Variants in CREB3L2 observed in about 807,000 individuals in gnomAD.
The protein encoded by CREB3L2 is cAMP responsive element binding protein 3 like 2, also known as cyclic AMP-responsive element-binding protein 3-like protein 2.
In CREB3L2, 23 loss-of-function variants were observed where a neutral mutation model predicts 57.2. That is an observed-to-expected ratio of 0.40 (90% CI 0.29 to 0.57). CREB3L2 has a LOEUF of 0.57. Among genes scored for constraint, CREB3L2 ranks in the 20% least tolerant of loss-of-function variants. The pLI is 0.42. For missense variants in CREB3L2, 628 were observed against 634.7 expected, an observed-to-expected ratio of 0.99 and a Z score of 0.11; for synonymous variants, 268 against 265.1, an observed-to-expected ratio of 1.01 and a Z score of -0.11.
chr7:137,952,997 C>T (rs1026317354), intron 1 of CREB3L2, among the ~76,000 whole-genome samples: 2 of 151,940 alleles, frequency 1.3e-5, no homozygotes, highest in African/African-American at 2.4e-5. Context: ...TTGTATTTTT[C>T]GTAGAGACAG....
chr7:137,905,968 G>A (rs976430236), intron 5 of CREB3L2, 120 bp from the exon 6 acceptor site: 32 of 1,003,368 alleles, frequency 3.2e-5, no homozygotes, highest in Admixed American at 5.2e-5. Context: ...CTGAGACAAG[G>A]ATGCCCCATC....
chr7:137,920,295 G>A (rs1233492009), intron 2 of CREB3L2, among the ~76,000 whole-genome samples: 1 of 152,180 alleles, frequency 6.6e-6, no homozygotes, highest in Non-Finnish European at 1.5e-5. Context: ...TGGAACTAAT[G>A]TTGCTGTAGT....
chr7:137,984,829 C>A (rs530100365), intron 1 of CREB3L2, among the ~76,000 whole-genome samples: 1 of 152,148 alleles, frequency 6.6e-6, no homozygotes, highest in Non-Finnish European at 1.5e-5. Flanking sequence ...AAGGAGTCTG[C>A]GTTTCATGAA....
intron 8 of CREB3L2, among the ~76,000 whole-genome samples, chr7:137,896,177 G>A (rs1032566394): frequency 3.9e-5 from 6 of 152,192 alleles, no homozygotes; most frequent in Non-Finnish European, 5.9e-5. Context: ...AGACGCCCTC[G>A]GCAGAAAACA....
At chr7:137,966,128 A>G (rs1480084256) in intron 1 of CREB3L2, among the ~76,000 whole-genome samples, 1 of 152,208 alleles carries the variant, frequency 6.6e-6, no homozygotes, top group Non-Finnish European at 1.5e-5. Flanking sequence ...GGGCATCAAG[A>G]CAGAGGAGCC....
intron 1 of CREB3L2, among the ~76,000 whole-genome samples, chr7:137,977,700 CACTTGAAGT>C (rs1801633027): frequency 6.6e-6 from 1 of 152,082 alleles, no homozygotes; most frequent in Non-Finnish European, 1.5e-5. Flanking sequence ...GTGGGCGGAT[CACTTGAAGT>C]CAGGAGTTCG....
chr7:138,000,326 C>T (rs1802053565), intron 1 of CREB3L2, among the ~76,000 whole-genome samples: 1 of 152,170 alleles, frequency 6.6e-6, no homozygotes, highest in Non-Finnish European at 1.5e-5. Context: ...CATCTGGTAC[C>T]CCAACCTCCG....
At chr7:137,953,580 G>A in intron 1 of CREB3L2, 1 of 1,149,154 alleles carries the variant, frequency 8.7e-7, no homozygotes, top group South Asian at 1.3e-5. Context: ...GTCTCAGAAT[G>A]TGACTCTAGA....
intron 5 of CREB3L2, among the ~76,000 whole-genome samples, 165 bp downstream of exon 5, chr7:137,908,087 A>G (rs56180308): frequency 0.017 from 2,604 of 152,304 alleles, 22 homozygotes; most frequent in African/African-American, 0.023. Context: ...CAGTTCCTAG[A>G]AAGTGTTCTT....
intron 8 of CREB3L2, among the ~76,000 whole-genome samples, chr7:137,891,531 T>C (rs904795832): frequency 2.0e-5 from 3 of 151,934 alleles, no homozygotes; most frequent in Non-Finnish European, 4.4e-5. Context: ...TTCCCAATTA[T>C]TTGCTGTGTT....
intron 1 of CREB3L2, among the ~76,000 whole-genome samples, chr7:137,989,371 A>G (rs887786442): frequency 2.8e-5 from 4 of 145,236 alleles, no homozygotes; most frequent in Non-Finnish European, 6.0e-5. Flanking sequence ...TGTACTGACC[A>G]CTCTGTAGCG....
At chr7:137,935,942 A>G (rs1473618941) in intron 1 of CREB3L2, 1 of 972,118 alleles carries the variant, frequency 1.0e-6, no homozygotes, top group Admixed American at 6.2e-5. Context: ...GCAAGGAAGG[A>G]GTGGTTTATG....
chr7:137,896,459 G>A (rs907960094), intron 8 of CREB3L2, among the ~76,000 whole-genome samples: 2 of 152,044 alleles, frequency 1.3e-5, no homozygotes, highest in Non-Finnish European at 2.9e-5. Context: ...ACGCCACCAC[G>A]CCCAGCTAAT....
At chr7:137,885,737 C>T (rs547590115) in intron 8 of CREB3L2, among the ~76,000 whole-genome samples, 1 of 152,302 alleles carries the variant, frequency 6.6e-6, no homozygotes, top group East Asian at 1.9e-4. Flanking sequence ...TCTTGCACTG[C>T]CCTGAGTTAG....
intron 8 of CREB3L2, among the ~76,000 whole-genome samples, chr7:137,886,686 C>T (rs1799426354): frequency 6.6e-6 from 1 of 151,310 alleles, no homozygotes; most frequent in Non-Finnish European, 1.5e-5. Flanking sequence ...GAAACAGATT[C>T]TAGCCTTTCT....
In CREB3L2 at chr7:137,993,952, A is replaced by T. The variant is rs936587805; in HGVS notation, c.102+7652T>A. Among the ~76,000 whole-genome samples, 3 of 152,238 alleles carry T rather than the reference A, an allele frequency of 2.0e-5. 1 individual carries two copies. Among genetic ancestry groups the T allele is most frequent in the Admixed American group, 6.5e-5 (1 of 15,284 alleles). On this transcript the variant is annotated intron_variant, in intron 1 of 11. Transcript: ENST00000330387. ...CCCATGTGCCTCATGAATAACCTAT[A>T]CAATTTGATTCAAGGAAAAATCAAG...
chr7:137,941,702 G>A (rs888876403), intron 1 of CREB3L2, among the ~76,000 whole-genome samples: 6 of 152,206 alleles, frequency 3.9e-5, no homozygotes, highest in African/African-American at 1.4e-4. Context: ...TATTTTAAAT[G>A]AAGAACCTGA....
Position 137,878,366 on chromosome 7 carries a change from T to C in CREB3L2, c.*2110A>G, listed in dbSNP as rs1475982888. ...CTTTCCTTCCTCATTGCCCAAATGC[T>C]ACTTGAGTAAATCTTATCTTTTTGC... On this transcript the variant is annotated 3_prime_UTR_variant, in exon 12 of 12. Transcript: ENST00000330387. The C allele has an allele frequency of 4.3e-6, 1 of 232,940 alleles. No individual in the cohort carries two copies. The highest frequency in any genetic ancestry group is 2.2e-5 in the African/African-American group (1 of 45,330). The allele number at this position is 232,940 out of a possible 1,614,324, so 14.4% of individuals were successfully genotyped here.
chr7:137,941,958 T>C (rs1035334070), intron 1 of CREB3L2, among the ~76,000 whole-genome samples: 2 of 152,118 alleles, frequency 1.3e-5, no homozygotes, highest in Non-Finnish European at 2.9e-5. Context: ...ACTCGGTCGA[T>C]TCTAGTTTTC....
Sources: gnomAD v4.1 joint callset for allele counts (sites outside exome capture counted in the v4.1 genomes callset) on GRCh38, gnomAD v4.1.1 for gene constraint, MANE v1.5 for transcripts, NCBI Gene and HGNC (gene_info 2026-07-23, HGNC 2026-07-21) for gene names.